REDIC1: variants seen among roughly 807,000 people sequenced by gnomAD.
REDIC1 encodes regulator of DNA class I crossover intermediates 1, also known as HEI10 Interacting Protein 1.
At chr12:39,760,148 A>T in the REDIC1 span, 1 of 1,613,050 alleles carries the variant, frequency 6.2e-7, no homozygotes, top group Non-Finnish European at 8.5e-7. Context: ...CTGTTGTCAA[A>T]GAGTGATTCA....
At chr12:39,764,791 A>C in the REDIC1 span, 7 of 1,612,872 alleles carry the variant, frequency 4.3e-6, no homozygotes, top group Non-Finnish European at 5.9e-6. Flanking sequence ...GTCCAGGAGT[A>C]TGGAGTAGGG....
chr12:39,807,361 G>A, the REDIC1 span, among the ~76,000 whole-genome samples: 4 of 152,098 alleles, frequency 2.6e-5, no homozygotes, highest in African/African-American at 9.7e-5. Flanking sequence ...CGGAAAGTCT[G>A]AACACAATCA....
At chr12:39,699,356 T>C in the REDIC1 span, among the ~76,000 whole-genome samples, 4 of 152,114 alleles carry the variant, frequency 2.6e-5, no homozygotes, top group African/African-American at 9.7e-5. Flanking sequence ...ACCTGGAAGA[T>C]CGGGTCACTC....
chr12:39,762,010 T>G, the REDIC1 span, among the ~76,000 whole-genome samples: 1 of 152,136 alleles, frequency 6.6e-6, no homozygotes, highest in Non-Finnish European at 1.5e-5. Context: ...TTACAGATTC[T>G]TTCTTGTGAC....
At chr12:39,709,809 G>A in the REDIC1 span, among the ~76,000 whole-genome samples, 1 of 151,726 alleles carries the variant, frequency 6.6e-6, no homozygotes, top group South Asian at 2.1e-4. Flanking sequence ...ACATAAGTAT[G>A]CAATTATCTC....
At chr12:39,894,637 C>A in the REDIC1 span, among the ~76,000 whole-genome samples, 2 of 152,154 alleles carry the variant, frequency 1.3e-5, no homozygotes, top group Non-Finnish European at 2.9e-5. Flanking sequence ...TTAAACTGAT[C>A]TATTTGGGCT....
chr12:39,732,688 A>G, the REDIC1 span, among the ~76,000 whole-genome samples: 2 of 152,246 alleles, frequency 1.3e-5, no homozygotes, highest in Non-Finnish European at 2.9e-5. Context: ...GCTCTCTGTC[A>G]TCCTCTGAAG....
chr12:39,826,737 T>G, the REDIC1 span, among the ~76,000 whole-genome samples: 3 of 151,208 alleles, frequency 2.0e-5, no homozygotes, highest in African/African-American at 7.3e-5. Flanking sequence ...TGCTGAATTA[T>G]AACACATATA....
At chr12:39,629,509 T>C in the REDIC1 span, among the ~76,000 whole-genome samples, 1 of 152,350 alleles carries the variant, frequency 6.6e-6, no homozygotes, top group East Asian at 1.9e-4. Context: ...TGCAAAGATC[T>C]TTACAGCTTT....
chr12:39,697,917 C>T, the REDIC1 span, among the ~76,000 whole-genome samples: 1 of 152,120 alleles, frequency 6.6e-6, no homozygotes, highest in South Asian at 2.1e-4. Context: ...TCAATAATGA[C>T]TTTGACTGTC....
At chr12:39,629,006 C>T in the REDIC1 span, among the ~76,000 whole-genome samples, 1 of 151,880 alleles carries the variant, frequency 6.6e-6, no homozygotes, top group Non-Finnish European at 1.5e-5. Context: ...AAGATGAGTG[C>T]CACAAATAAA....
the REDIC1 span, among the ~76,000 whole-genome samples, chr12:39,898,863 T>C: frequency 2.0e-5 from 3 of 152,178 alleles, no homozygotes; most frequent in South Asian, 6.2e-4. Context: ...ATTTAGCATG[T>C]TCTTCACCCT....
the REDIC1 span, chr12:39,819,941 A>G: frequency 6.6e-6 from 1 of 152,418 alleles, no homozygotes; most frequent in African/African-American, 2.4e-5. Flanking sequence ...TAAAATGACC[A>G]CAGAAAAAAC....
chr12:39,693,378 C>T, the REDIC1 span, among the ~76,000 whole-genome samples: 1 of 150,388 alleles, frequency 6.6e-6, no homozygotes, highest in Non-Finnish European at 1.5e-5. Context: ...GGTTTCTATC[C>T]TTATCCTCCC....
At chr12:39,866,611 C>T in the REDIC1 span, among the ~76,000 whole-genome samples, 1 of 152,166 alleles carries the variant, frequency 6.6e-6, no homozygotes, top group Non-Finnish European at 1.5e-5. Flanking sequence ...TCTGGAGTAG[C>T]TGGGACTACA....
At chr12:39,891,973 C>T in the REDIC1 span, among the ~76,000 whole-genome samples, 4 of 152,016 alleles carry the variant, frequency 2.6e-5, no homozygotes, top group African/African-American at 7.2e-5. Context: ...GTTATCTGAA[C>T]GATTTTTTTA....
chr12:39,842,829 T>C, the REDIC1 span, among the ~76,000 whole-genome samples: 1 of 152,020 alleles, frequency 6.6e-6, no homozygotes, highest in East Asian at 1.9e-4. Flanking sequence ...CTCTATGGAT[T>C]TGCTATTCTG....
the REDIC1 span, among the ~76,000 whole-genome samples, chr12:39,738,970 G>GA: frequency 8.8e-4 from 133 of 151,746 alleles, 1 homozygote; most frequent in Admixed American, 1.2e-3. Context: ...AATGGGAGAT[G>GA]AAAAAATCAA....
chr12:39,818,209 G>T, the REDIC1 span, among the ~76,000 whole-genome samples: 1 of 151,826 alleles, frequency 6.6e-6, no homozygotes, highest in East Asian at 1.9e-4. Context: ...AAAATCATCT[G>T]ATTCCCCCAG....
Sources: gnomAD v4.1 joint callset for allele counts (sites outside exome capture counted in the v4.1 genomes callset) on GRCh38, gnomAD v4.1.1 for gene constraint, MANE v1.5 for transcripts, NCBI Gene and HGNC (gene_info 2026-07-23, HGNC 2026-07-21) for gene names.